PCSK6: variants seen among roughly 807,000 people sequenced by gnomAD.
PCSK6 encodes paired basic amino acid cleaving enzyme 4.
PCSK6 carries 85 observed loss-of-function variants against 123.3 expected under a neutral mutation model. The ratio of observed to expected loss-of-function variants is 0.69; its 90% confidence interval spans 0.58 to 0.83. The LOEUF (loss-of-function observed/expected upper bound fraction) is 0.83. Among genes scored for constraint, PCSK6 ranks in the 40% least tolerant of loss-of-function variants. The pLI is 0.00. For synonymous variants in PCSK6, 508 were observed against 516.0 expected, an observed-to-expected ratio of 0.98 and a Z score of 0.21; for missense variants, 1,191 against 1,282.3, an observed-to-expected ratio of 0.93 and a Z score of 1.09.
intron 6 of PCSK6, 61 bp downstream of exon 6, chr15:101,427,831 G>A: frequency 7.6e-7 from 1 of 1,318,634 alleles, no homozygotes; most frequent in Non-Finnish European, 1.1e-6. Flanking sequence ...AGCGGACAGG[G>A]AGCTCCCAGC....
chr15:101,470,241 AT>A (rs2057572717), intron 1 of PCSK6, among the ~76,000 whole-genome samples: 1 of 152,204 alleles, frequency 6.6e-6, no homozygotes, highest in Admixed American at 6.5e-5. Context: ...CACATTAAAC[AT>A]TTAATTAGTT....
chr15:101,407,486 A>G (rs2042813156), intron 6 of PCSK6, among the ~76,000 whole-genome samples: 1 of 151,832 alleles, frequency 6.6e-6, no homozygotes, highest in Non-Finnish European at 1.5e-5. Context: ...TTCACATGCA[A>G]GCCAACCAAT....
At chr15:101,330,498 ACCG>A (rs1264963754) in intron 15 of PCSK6, among the ~76,000 whole-genome samples, 2 of 152,012 alleles carry the variant, frequency 1.3e-5, no homozygotes, top group Non-Finnish European at 2.9e-5. Flanking sequence ...ATACTCTGGC[ACCG>A]TCTGGTTCTC....
intron 15 of PCSK6, among the ~76,000 whole-genome samples, chr15:101,330,547 G>C (rs1567146496): frequency 6.6e-6 from 1 of 152,138 alleles, no homozygotes; most frequent in Non-Finnish European, 1.5e-5. Context: ...CTCTGAATAG[G>C]CTCTCCTGCT....
intron 20 of PCSK6, among the ~76,000 whole-genome samples, chr15:101,311,407 G>A (rs757623940): frequency 6.6e-6 from 1 of 151,432 alleles, no homozygotes; most frequent in Admixed American, 6.6e-5. Flanking sequence ...GATTACAGGC[G>A]TGAGCCACCG....
chr15:101,312,725 G>C (rs180873070), intron 20 of PCSK6, among the ~76,000 whole-genome samples: 1 of 152,108 alleles, frequency 6.6e-6, no homozygotes, highest in Non-Finnish European at 1.5e-5. Flanking sequence ...CCAGCTACTC[G>C]GCAGGTTGAG....
intron 1 of PCSK6, among the ~76,000 whole-genome samples, chr15:101,477,090 A>C (rs1038030679): frequency 2.6e-5 from 4 of 152,242 alleles, no homozygotes; most frequent in Admixed American, 6.5e-5. Flanking sequence ...CCTAAACGTC[A>C]GGAAAGAATG....
chr15:101,415,255 G>A (rs1213697191), intron 6 of PCSK6, among the ~76,000 whole-genome samples: 1 of 152,240 alleles, frequency 6.6e-6, no homozygotes. Flanking sequence ...ACAGGTGATA[G>A]AGGCTGATGC....
chr15:101,449,496 A>C (rs1596344922), intron 1 of PCSK6, among the ~76,000 whole-genome samples: 1 of 152,200 alleles, frequency 6.6e-6, no homozygotes, highest in African/African-American at 2.4e-5. Context: ...AATGACTCTG[A>C]AACATACCAG....
rs1208135345 is a variant in PCSK6, at chr15:101,305,227, G to A, written c.*31C>T. The A allele has an allele frequency of 6.5e-7, 1 of 1,545,076 alleles. No individual in the cohort carries two copies. The highest frequency in any genetic ancestry group is 1.7e-5 in the Admixed American group (1 of 58,488). On this transcript the variant is annotated 3_prime_UTR_variant, in exon 22 of 22. Coordinates refer to ENST00000611716, the MANE Select transcript of PCSK6 (RefSeq NM_002570.5). This position sits in a 1 kb window ranked among gnomAD's most constrained non-coding sequence, Gnocchi z 4.8. ...AAGGTGGACGGATGGATGGATGGGA[G>A]TGCCTGCCCTCTGTGGGCAGCTAGG... is the stretch of plus-strand genomic sequence containing the variant.
chr15:101,464,910 G>A (rs534962722), intron 1 of PCSK6, among the ~76,000 whole-genome samples: 2 of 151,896 alleles, frequency 1.3e-5, no homozygotes, highest in South Asian at 4.2e-4. Flanking sequence ...GGGTAGTAGG[G>A]GCCAGCGGCG....
intron 1 of PCSK6, among the ~76,000 whole-genome samples, chr15:101,454,425 T>A (rs956966654): frequency 6.6e-6 from 1 of 152,078 alleles, no homozygotes; most frequent in East Asian, 1.9e-4. Context: ...GGACACACGA[T>A]GGAATATGGC....
intron 1 of PCSK6, among the ~76,000 whole-genome samples, chr15:101,465,523 G>A (rs763788258): frequency 6.6e-6 from 1 of 152,188 alleles, no homozygotes; most frequent in African/African-American, 2.4e-5. Context: ...GAGCTGGCGG[G>A]ATGAGGGCTA....
At chr15:101,395,933 G>C (rs1335120414) in intron 7 of PCSK6, among the ~76,000 whole-genome samples, 1 of 152,140 alleles carries the variant, frequency 6.6e-6, no homozygotes, top group Non-Finnish European at 1.5e-5. Flanking sequence ...CCAAGTTACA[G>C]CTTCTACAGT....
At chr15:101,343,120 A>G (rs2040655974) in intron 13 of PCSK6, among the ~76,000 whole-genome samples, 1 of 152,218 alleles carries the variant, frequency 6.6e-6, no homozygotes, top group Admixed American at 6.5e-5. Context: ...AAACGTGTCA[A>G]TTTTGTTAAG....
At chr15:101,388,698 C>T (rs1383799123) in intron 9 of PCSK6, among the ~76,000 whole-genome samples, 2 of 88,162 alleles carry the variant, frequency 2.3e-5, no homozygotes, top group African/African-American at 6.4e-5. Flanking sequence ...AACCACTTCA[C>T]GCCCATCAGG....
At chr15:101,443,468 G>C (rs1004820135) in intron 2 of PCSK6, 88 bp downstream of exon 2, 13 of 870,914 alleles carry the variant, frequency 1.5e-5, no homozygotes, top group Admixed American at 6.2e-5. Flanking sequence ...TGTCTATCCA[G>C]AATCACATTA....
chr15:101,330,321 T>G (rs2040348282), intron 15 of PCSK6, among the ~76,000 whole-genome samples: 1 of 152,212 alleles, frequency 6.6e-6, no homozygotes, highest in African/African-American at 2.4e-5. Context: ...CTTCCTCTAT[T>G]TCTTGGCAAC....
chr15:101,392,003 A>G (rs2042246682), intron 8 of PCSK6, among the ~76,000 whole-genome samples: 1 of 152,252 alleles, frequency 6.6e-6, no homozygotes, highest in Non-Finnish European at 1.5e-5. Flanking sequence ...GTGATTCGTA[A>G]TGCAAATAAA....
Sources: allele counts gnomAD v4.1 joint callset (sites outside exome capture counted in the v4.1 genomes callset), GRCh38; gene constraint gnomAD v4.1.1; non-coding constraint Gnocchi (gnomAD v3.1); transcripts MANE v1.5; gene names NCBI Gene and HGNC (gene_info 2026-07-23, HGNC 2026-07-21).